HPGDS: variants seen among roughly 807,000 people sequenced by gnomAD.
HPGDS encodes hematopoietic prostaglandin D synthase, also known as GST class-sigma.
In HPGDS, 26 loss-of-function variants were observed where a neutral mutation model predicts 23.1. The observed-to-expected ratio is 1.13, with a 90% CI of 0.83 to 1.56. The LOEUF (loss-of-function observed/expected upper bound fraction) is 1.56, where lower values mean the gene tolerates loss of function less well. Among genes scored for constraint, HPGDS ranks in the 40% most tolerant of loss-of-function variants. The pLI, the probability that HPGDS is intolerant of heterozygous loss-of-function variation, is 0.00. For synonymous variants in HPGDS, 95 were observed against 77.9 expected (o/e 1.22, Z -1.16); for missense variants, 268 against 236.4 (o/e 1.13, Z -0.88).
intron 2 of HPGDS, among the ~76,000 whole-genome samples, chr4:94,325,042 T>C (rs1756600805): frequency 6.6e-6 from 1 of 152,240 alleles, no homozygotes. Context: ...TGCTGGAGTT[T>C]GCTGGAGGTC....
intron 2 of HPGDS, among the ~76,000 whole-genome samples, chr4:94,321,980 T>C (rs1301073214): frequency 6.6e-6 from 1 of 152,214 alleles, no homozygotes; most frequent in Non-Finnish European, 1.5e-5. Flanking sequence ...TGAAGGGCTG[T>C]TGAATTTTGT....
chr4:94,312,843 A>C (rs1161903248), intron 3 of HPGDS, among the ~76,000 whole-genome samples: 2 of 152,222 alleles, frequency 1.3e-5, no homozygotes, highest in Non-Finnish European at 2.9e-5. Context: ...ATATATATTT[A>C]GGATAGTTAG....
At chr4:94,314,854 C>A (rs375229261) in intron 3 of HPGDS, among the ~76,000 whole-genome samples, 13 of 152,244 alleles carry the variant, frequency 8.5e-5, no homozygotes, top group Admixed American at 3.9e-4. Flanking sequence ...ACCCCTCCCC[C>A]AGCCTCGCTG....
At chr4:94,329,634 A>G (rs149662664) in intron 2 of HPGDS, among the ~76,000 whole-genome samples, 2 of 152,310 alleles carry the variant, frequency 1.3e-5, no homozygotes, top group East Asian at 3.9e-4. Flanking sequence ...ATGAAGAATA[A>G]TTTTGTTCGC....
At chr4:94,339,834 T>C (rs897271587) in intron 1 of HPGDS, among the ~76,000 whole-genome samples, 1 of 152,018 alleles carries the variant, frequency 6.6e-6, no homozygotes, top group African/African-American at 2.4e-5. Flanking sequence ...ATGGGGGCGG[T>C]TTCCCCCATA....
At chr4:94,311,202 C>A (rs1295571084) in intron 3 of HPGDS, among the ~76,000 whole-genome samples, 1 of 152,088 alleles carries the variant, frequency 6.6e-6, no homozygotes, top group Non-Finnish European at 1.5e-5. Context: ...AGAGGGCATC[C>A]CTGTCTTGTG....
In HPGDS at chr4:94,328,838, G is replaced by T. The variant is rs147640881; in HGVS notation, c.133+5659C>A. 2.8e-3 allele frequency among the ~76,000 whole-genome samples: 423 copies of T among 152,252 alleles called. 2 individuals carry two copies. Among genetic ancestry groups the T allele is most frequent in the African/African-American group, 9.8e-3 (409 of 41,554 alleles). On this transcript the variant is annotated intron_variant, in intron 2 of 5. Coordinates refer to ENST00000295256, the MANE Select transcript of HPGDS (RefSeq NM_014485.3). Reference sequence around the variant, plus strand: ...TTTAAAAGAGAGAAAATAATAAAGTGCCAGTCACACTCTGATGACCCTCAT... The same window carrying T: ...TTTAAAAGAGAGAAAATAATAAAGTTCCAGTCACACTCTGATGACCCTCAT...
At chr4:94,308,536 A>G (rs1756183504) in intron 4 of HPGDS, 98 bp downstream of exon 4, 2 of 584,944 alleles carry the variant, frequency 3.4e-6, no homozygotes, top group Non-Finnish European at 6.1e-6. Context: ...AAAATTATAC[A>G]TATTCTTTTG....
intron 1 of HPGDS, among the ~76,000 whole-genome samples, chr4:94,340,495 C>T (rs1216056707): frequency 2.0e-5 from 3 of 147,188 alleles, no homozygotes; most frequent in Admixed American, 6.8e-5. Context: ...CGCGCCACCA[C>T]GCCCAGCTAA....
At chr4:94,322,276 T>C (rs577953113) in intron 2 of HPGDS, among the ~76,000 whole-genome samples, 1 of 152,332 alleles carries the variant, frequency 6.6e-6, no homozygotes, top group East Asian at 1.9e-4. Flanking sequence ...GCTGGCCTCA[T>C]AAAATGAGTT....
At chr4:94,340,565 T>G (rs1366392073) in intron 1 of HPGDS, among the ~76,000 whole-genome samples, 2 of 143,818 alleles carry the variant, frequency 1.4e-5, no homozygotes, top group Admixed American at 1.4e-4. Context: ...GGTCTCGATC[T>G]CCTGACCTCG....
rs1052927076 is a variant in HPGDS, at chr4:94,327,816, G to A, written c.133+6681C>T. Among the ~76,000 whole-genome samples the A allele has an allele frequency of 3.3e-5, 5 of 152,200 alleles. No individual in the cohort carries two copies. The East Asian group carries it at 9.6e-4, about 29-fold the overall frequency. On this transcript the variant is annotated intron_variant, in intron 2 of 5. Coordinates refer to ENST00000295256, the MANE Select transcript of HPGDS (RefSeq NM_014485.3). The stretch of plus-strand genomic sequence containing the variant: ...ACTTAAGTGAAGCCAGCATTGCAAT[G>A]CTGCAGCCCTCTGGGTTGTTGTGGG...
At chr4:94,315,545 C>A (rs996303195) in intron 3 of HPGDS, among the ~76,000 whole-genome samples, 1 of 152,104 alleles carries the variant, frequency 6.6e-6, no homozygotes, top group Admixed American at 6.5e-5. Context: ...ATTGGTCTTC[C>A]TAAAAGTTTT....
At chr4:94,304,568 T>C (rs1002522206) in intron 4 of HPGDS, among the ~76,000 whole-genome samples, 3 of 152,048 alleles carry the variant, frequency 2.0e-5, no homozygotes, top group African/African-American at 7.2e-5. Context: ...GACCACAAGA[T>C]GGCAGCAATG....
At chr4:94,318,276 A>T (rs183351591) in intron 2 of HPGDS, among the ~76,000 whole-genome samples, 29 of 152,252 alleles carry the variant, frequency 1.9e-4, no homozygotes, top group Middle Eastern at 3.4e-3. Context: ...AAACTTCATT[A>T]TTTTTTGCAG....
intron 5 of HPGDS, among the ~76,000 whole-genome samples, chr4:94,301,721 C>A (rs568914430): frequency 6.6e-6 from 1 of 152,060 alleles, no homozygotes; most frequent in Non-Finnish European, 1.5e-5. Context: ...GTACCACCAA[C>A]AATATGATTA....
intron 1 of HPGDS, among the ~76,000 whole-genome samples, chr4:94,334,927 C>A (rs1358620382): frequency 2.0e-5 from 3 of 152,184 alleles, no homozygotes; most frequent in Non-Finnish European, 2.9e-5. Context: ...TACACCCCAA[C>A]CTTCAGAGCA....
intron 2 of HPGDS, among the ~76,000 whole-genome samples, chr4:94,323,485 C>A (rs1756560099): frequency 6.6e-6 from 1 of 152,176 alleles, no homozygotes; most frequent in African/African-American, 2.4e-5. Flanking sequence ...GTTAGCTCTT[C>A]TTGTTGAATT....
chr4:94,307,045 A>C (rs1756152646), intron 4 of HPGDS, among the ~76,000 whole-genome samples: 1 of 152,116 alleles, frequency 6.6e-6, no homozygotes, highest in Non-Finnish European at 1.5e-5. Flanking sequence ...AGAGTGGAAA[A>C]AAAATAGGTC....
Sources: allele counts gnomAD v4.1 joint callset (sites outside exome capture counted in the v4.1 genomes callset), GRCh38; gene constraint gnomAD v4.1.1; transcripts MANE v1.5; gene names NCBI Gene and HGNC (gene_info 2026-07-23, HGNC 2026-07-21).